GTPBP4: variants seen among roughly 807,000 people sequenced by gnomAD.
The protein encoded by GTPBP4 is GTP binding protein 4, also known as GTP-binding protein 4.
In GTPBP4, 15 loss-of-function variants were observed where a neutral mutation model predicts 81.7. That is an observed-to-expected ratio of 0.18 (90% CI 0.12 to 0.28). The LOEUF is 0.28. Ranked by LOEUF, GTPBP4 falls within the 10% of genes least tolerant of loss-of-function variation. The pLI is 1.00. For missense variants in GTPBP4, 847 were observed against 793.8 expected, an observed-to-expected ratio of 1.07 and a Z score of -0.81; for synonymous variants, 272 against 274.6, an observed-to-expected ratio of 0.99 and a Z score of 0.09.
At chr10:1,013,260 A>G (rs1260236474) in intron 14 of GTPBP4, among the ~76,000 whole-genome samples, 3 of 151,738 alleles carry the variant, frequency 2.0e-5, no homozygotes, top group African/African-American at 7.2e-5. Flanking sequence ...CTGAGATTAC[A>G]GGCGTGAGCC....
At position 1,017,988 on chromosome 10, in the gene GTPBP4, G is replaced by A. The variant is rs1366319474; in HGVS notation, c.*761G>A. 1.3e-5 allele frequency: 2 copies of A among 152,238 alleles called. No homozygotes were observed. Among genetic ancestry groups the A allele is most frequent in the East Asian group, 3.8e-4 (2 of 5,198 alleles). The allele number at this position is 152,238 out of a possible 1,614,324, so 9.4% of individuals were successfully genotyped here. On this transcript the variant is annotated 3_prime_UTR_variant, in exon 17 of 17. Transcript: ENST00000360803. ...TGGGGTCGGAGGGACCTGCCCAGGG[G>A]TCCGTGTGCTCCTGGAGCTCCAAAG...
In GTPBP4 at chr10:1,009,420, C is replaced by A. The variant is rs1371382068; in HGVS notation, c.1192-109C>A. On this transcript the variant is annotated intron_variant, in intron 11 of 16. Transcript: ENST00000360803. ...TACCAGAAATGGAAGGTGAACCCCA[C>A]TGATACTGAGAGGATTGGAGAAAAG... is the stretch of plus-strand genomic sequence containing the variant. 6.2e-6 allele frequency: 5 copies of A among 807,592 alleles called. No individual in the cohort carries two copies. The East Asian group carries it at 1.2e-4, about 20-fold the overall frequency. The allele number at this position is 807,592 out of a possible 1,614,324, so 50.0% of individuals were successfully genotyped here.
intron 11 of GTPBP4, 150 bp downstream of exon 11, chr10:1,009,185 G>GA (rs1831805972): frequency 6.3e-6 from 4 of 632,132 alleles, no homozygotes; most frequent in South Asian, 3.8e-5. Flanking sequence ...TCCCCCTGCA[G>GA]AAGCCTCTCT....
chr10:991,901 T>G (rs1268269838), intron 1 of GTPBP4, among the ~76,000 whole-genome samples: 1 of 147,398 alleles, frequency 6.8e-6, no homozygotes, highest in East Asian at 2.0e-4. Context: ...TTCACCGTGT[T>G]AGCCAGGATG....
At chr10:1,011,052 GC>G (rs1431000414) in intron 13 of GTPBP4, among the ~76,000 whole-genome samples, 13 of 62,952 alleles carry the variant, frequency 2.1e-4, no homozygotes, top group African/African-American at 5.4e-4. Flanking sequence ...GCTGTGCTGG[GC>G]CCTTCATTCT....
Position 1,012,476 on chromosome 10 carries a change from A to G in GTPBP4, c.1356A>G (p.Glu452=). 6.3e-7 allele frequency: 1 copy of G among 1,596,986 alleles called. No homozygotes were observed. Among genetic ancestry groups the G allele is most frequent in the Non-Finnish European group, 8.5e-7 (1 of 1,173,324 alleles). Residue 452 remains glutamate (E), a synonymous_variant, in exon 14 of 17, where the codon GAA becomes GAG. Coordinates refer to ENST00000360803, the MANE Select transcript of GTPBP4 (RefSeq NM_012341.3). ...CTCCATTTTTAAAGAAATTGGAAGA[A>G]TTAGAAAAAGAAGAAGAGCTGAGAA... ...IDPAIMKKLE[E]LEKEEELRTA...
rs1832047474 is a variant in GTPBP4, at chr10:1,019,371, T to C, written c.*2144T>C. 1 of 574,346 alleles carries C rather than the reference T, an allele frequency of 1.7e-6. No homozygotes were observed. Among genetic ancestry groups the C allele is most frequent in the Admixed American group, 3.4e-5 (1 of 29,576 alleles). The allele number at this position is 574,346 out of a possible 1,614,324, so 35.6% of individuals were successfully genotyped here. Reference sequence around the variant, plus strand: ...GAAAATGAAGATATGACAAAGTTGATGAAAAGGTTGAAATAGTGATTTATA... The same window carrying C: ...GAAAATGAAGATATGACAAAGTTGACGAAAAGGTTGAAATAGTGATTTATA... On this transcript the variant is annotated 3_prime_UTR_variant, in exon 17 of 17. Coordinates refer to ENST00000360803, the MANE Select transcript of GTPBP4 (RefSeq NM_012341.3).
At position 997,265 on chromosome 10, in the gene GTPBP4, T is replaced by G. The variant is rs569349898; in HGVS notation, c.518T>G (p.Leu173Trp). The change falls in exon 5 of 17, where the codon TTG becomes TGG. Residue 173 changes from leucine (L) to tryptophan (W), a missense_variant. Around this residue, in one of 3 missense-constraint regions of GTPBP4, gnomAD observed 6 missense variants for 20.4 expected, o/e 0.29. Coordinates refer to ENST00000360803, the MANE Select transcript of GTPBP4 (RefSeq NM_012341.3). ...GATCCGAATACCAGGACCCTGCTTT[T>G]GTGTGGGTACCCAAATGTTGGGAAG... ...TIDPNTRTLL[L>W]CGYPNVGKSS... 6.2e-7 allele frequency: 1 copy of G among 1,609,790 alleles called. No individual in the cohort carries two copies. Among genetic ancestry groups the G allele is most frequent in the South Asian group, 1.1e-5 (1 of 91,006 alleles).
intron 12 of GTPBP4, among the ~76,000 whole-genome samples, chr10:1,010,009 G>A (rs12355506): frequency 0.23 from 34,176 of 151,432 alleles, 3,985 homozygotes; most frequent in East Asian, 0.33. Flanking sequence ...AAAGGTGCAT[G>A]CTGATAGCAC....
intron 16 of GTPBP4, among the ~76,000 whole-genome samples, chr10:1,016,756 C>T (rs1832001220): frequency 6.6e-6 from 1 of 152,102 alleles, no homozygotes; most frequent in South Asian, 2.1e-4. Context: ...TGAGTTCCTG[C>T]AGATAACTGT....
chr10:1,000,483 C>T (rs571007355), intron 6 of GTPBP4, among the ~76,000 whole-genome samples, 194 bp from the exon 7 acceptor site: 10 of 151,326 alleles, frequency 6.6e-5, no homozygotes, highest in African/African-American at 1.7e-4. Context: ...GTGATCCACC[C>T]GCCTCGGCCT....
At chr10:990,435 A>G (rs1831421500) in intron 1 of GTPBP4, among the ~76,000 whole-genome samples, 1 of 152,112 alleles carries the variant, frequency 6.6e-6, no homozygotes, top group Admixed American at 6.6e-5. Context: ...AAGAGAGGTA[A>G]GTCGAGGCCG....
At chr10:991,823 G>A (rs1303419045) in intron 1 of GTPBP4, among the ~76,000 whole-genome samples, 2 of 147,502 alleles carry the variant, frequency 1.4e-5, no homozygotes, top group Admixed American at 6.8e-5. Context: ...AGCCTCCCGA[G>A]TAGCTGGGAC....
chr10:1,017,169 T>C lies in GTPBP4; in HGVS notation c.1847T>C (p.Met616Thr), dbSNP rs1008462296. 2 of 1,614,072 alleles carry C rather than the reference T, an allele frequency of 1.2e-6. No individual in the cohort carries two copies. The highest frequency in any genetic ancestry group is 2.2e-5 in the East Asian group (1 of 44,886). ...KGEADRHVFD[M>T]KPKHLLSGKR... ...GAGGCGGATAGACACGTGTTTGATA[T>C]GAAGCCCAAGCACTTGCTGTCTGGG... Residue 616 changes from methionine to threonine, a missense_variant, in exon 17 of 17, where the codon ATG (methionine) becomes ACG (threonine). By Grantham distance (81) the Met-to-Thr change is moderately conservative. Around this residue, in one of 3 missense-constraint regions of GTPBP4, gnomAD observed 600 missense variants for 557.1 expected, o/e 1.08. Transcript: ENST00000360803.
At chr10:1,009,631 T>G (rs1282281611) in intron 12 of GTPBP4, 51 bp downstream of exon 12, 1 of 1,020,300 alleles carries the variant, frequency 9.8e-7, no homozygotes, top group African/African-American at 1.6e-5. Context: ...GGACGTGAAG[T>G]ATTTCAGAAA....
intron 8 of GTPBP4, among the ~76,000 whole-genome samples, chr10:1,003,508 G>T (rs189675403): frequency 4.1e-4 from 63 of 152,150 alleles, no homozygotes. Context: ...TCTGCATCTG[G>T]TAGAACAGGA....
At chr10:1,010,591 A>G (rs1047709558) in intron 13 of GTPBP4, 71 bp downstream of exon 13, 2 of 879,696 alleles carry the variant, frequency 2.3e-6, no homozygotes, top group Non-Finnish European at 3.9e-6. Flanking sequence ...AGATAGCAGC[A>G]TGGCTTCGGC....
chr10:1,014,450 T>G, intron 15 of GTPBP4, 138 bp downstream of exon 15: 7 of 589,690 alleles, frequency 1.2e-5, no homozygotes, highest in South Asian at 1.2e-4. Context: ...ATGTCAGGGG[T>G]TCGAGACCAG....
intron 8 of GTPBP4, among the ~76,000 whole-genome samples, chr10:1,005,125 G>C (rs1449094337): frequency 6.6e-6 from 1 of 152,058 alleles, no homozygotes; most frequent in Non-Finnish European, 1.5e-5. Flanking sequence ...TGGCGGCCCA[G>C]TGTGTTTTTT....
Sources: allele counts gnomAD v4.1 joint callset (sites outside exome capture counted in the v4.1 genomes callset), GRCh38; gene constraint gnomAD v4.1.1; regional missense constraint gnomAD v4.1.1; transcripts MANE v1.5; gene names NCBI Gene and HGNC (gene_info 2026-07-23, HGNC 2026-07-21).